Variants in TBC1D8 observed in about 807,000 individuals in gnomAD.
TBC1D8 encodes BUB2-like protein 1.
TBC1D8 carries 65 observed loss-of-function variants against 118.8 expected under a neutral mutation model. The ratio of observed to expected loss-of-function variants is 0.55; its 90% CI spans 0.45 to 0.67. The LOEUF (loss-of-function observed/expected upper bound fraction) is 0.67. TBC1D8 is among the 30% of genes least tolerant of loss of function. The pLI is 0.00. For synonymous variants in TBC1D8, 566 were observed against 595.8 expected, an observed-to-expected ratio of 0.95 and a Z score of 0.73; for missense variants, 1,376 against 1,471.2, an observed-to-expected ratio of 0.94 and a Z score of 1.06.
intron 9 of TBC1D8, among the ~76,000 whole-genome samples, 199 bp downstream of exon 9, chr2:101,035,819 C>T (rs1680969875): frequency 6.6e-6 from 1 of 152,210 alleles, no homozygotes; most frequent in Non-Finnish European, 1.5e-5. Context: ...GACGCCACAG[C>T]CCAGAGGCCC....
intron 8 of TBC1D8, 23 bp downstream of exon 8, chr2:101,037,509 C>G: frequency 6.2e-7 from 1 of 1,608,980 alleles, no homozygotes; most frequent in Non-Finnish European, 8.5e-7. Flanking sequence ...TGTGGTCCAG[C>G]TTGGGCACCA....
chr2:101,148,512 G>C (rs1679411649), intron 1 of TBC1D8, among the ~76,000 whole-genome samples: 1 of 152,312 alleles, frequency 6.6e-6, no homozygotes, highest in African/African-American at 2.4e-5. Context: ...TGTGAAGAGA[G>C]GGAGAGAAAA....
chr2:101,034,209 T>C (rs944341083), intron 9 of TBC1D8, among the ~76,000 whole-genome samples: 5 of 152,294 alleles, frequency 3.3e-5, no homozygotes, highest in Non-Finnish European at 5.9e-5. Context: ...AGAAATAGTA[T>C]GGCTTTTCTA....
intron 15 of TBC1D8, among the ~76,000 whole-genome samples, chr2:101,024,402 A>T (rs372480656): frequency 8.3e-6 from 1 of 121,130 alleles, no homozygotes; most frequent in East Asian, 2.4e-4. Flanking sequence ...TGGGACTGTA[A>T]TTTTTTTTTT....
chr2:101,088,947 C>T (rs1441699329), intron 2 of TBC1D8, among the ~76,000 whole-genome samples: 1 of 140,832 alleles, frequency 7.1e-6, no homozygotes, highest in Admixed American at 7.3e-5. Flanking sequence ...AATTAAAAAA[C>T]AAAACAAACT....
intron 15 of TBC1D8, among the ~76,000 whole-genome samples, chr2:101,026,499 C>A (rs770872225): frequency 1.3e-5 from 2 of 152,306 alleles, no homozygotes; most frequent in African/African-American, 4.8e-5. Context: ...TCACTGACTG[C>A]GGGGAAAGGC....
rs868793286 is a variant in TBC1D8 at position 101,090,304 on chromosome 2, C to T, written c.188G>A (p.Arg63Gln). 8.7e-6 allele frequency: 14 copies of T among 1,613,962 alleles called. No homozygotes were observed. Among genetic ancestry groups the T allele is most frequent in the Non-Finnish European group, 1.1e-5 (13 of 1,179,888 alleles). Residue 63 changes from arginine to glutamine, a missense_variant, in exon 2 of 20, where the codon CGA becomes CAA. Coordinates refer to ENST00000409318, the MANE Select transcript of TBC1D8 (RefSeq NM_001330348.2). ...LDSNARVAPF[R>Q]ILLQVPGSQV... ...GGAGCCGGGAACTTGAAGCAGAATT[C>T]GAAATGGAGCGACCCGTGCATTGGA... is the stretch of plus-strand genomic sequence containing the variant.
chr2:101,091,812 A>T (rs770107430), intron 1 of TBC1D8, among the ~76,000 whole-genome samples: 6 of 152,212 alleles, frequency 3.9e-5, no homozygotes, highest in Non-Finnish European at 7.3e-5. Flanking sequence ...TTTACTTCAC[A>T]TATTACCCTT....
At chr2:101,108,624 T>A (rs942488329) in intron 1 of TBC1D8, among the ~76,000 whole-genome samples, 2 of 152,022 alleles carry the variant, frequency 1.3e-5, no homozygotes, top group African/African-American at 4.8e-5. Flanking sequence ...ACCAGCAACA[T>A]CAGGCCAAGT....
chr2:101,059,871 G>A (rs548217398), intron 2 of TBC1D8, among the ~76,000 whole-genome samples: 33 of 152,156 alleles, frequency 2.2e-4, no homozygotes, highest in Non-Finnish European at 3.4e-4. Flanking sequence ...CCCAGGAGGC[G>A]GAGCTTGCAG....
intron 1 of TBC1D8, among the ~76,000 whole-genome samples, chr2:101,142,959 C>T (rs994103459): frequency 2.0e-5 from 3 of 152,026 alleles, no homozygotes; most frequent in East Asian, 1.9e-4. Context: ...TTATGCACAC[C>T]GAAAAGTTCC....
chr2:101,034,878 GCAGAAGC>G (rs1475429606), intron 9 of TBC1D8, among the ~76,000 whole-genome samples: 2 of 152,154 alleles, frequency 1.3e-5, no homozygotes, highest in Non-Finnish European at 2.9e-5. Flanking sequence ...GAAGTTAGCT[GCAGAAGC>G]CAGGAGGCAG....
chr2:101,137,861 G>C (rs892648521), intron 1 of TBC1D8, among the ~76,000 whole-genome samples: 2 of 152,146 alleles, frequency 1.3e-5, no homozygotes, highest in African/African-American at 4.8e-5. Context: ...TCACTGTATA[G>C]TGCTAAGCCA....
chr2:101,034,837 T>C (rs1054742988), intron 9 of TBC1D8, among the ~76,000 whole-genome samples: 2 of 152,122 alleles, frequency 1.3e-5, no homozygotes, highest in African/African-American at 4.8e-5. Context: ...TTTTCACTTT[T>C]AAAAGGAGGT....
At chr2:101,122,684 T>G (rs1343418546) in intron 1 of TBC1D8, among the ~76,000 whole-genome samples, 1 of 152,154 alleles carries the variant, frequency 6.6e-6, no homozygotes, top group African/African-American at 2.4e-5. Context: ...ATACTGTACA[T>G]GAAACCGAAA....
intron 11 of TBC1D8, among the ~76,000 whole-genome samples, chr2:101,031,139 G>A (rs1680647280): frequency 6.6e-6 from 1 of 152,202 alleles, no homozygotes; most frequent in African/African-American, 2.4e-5. Context: ...ATCAACAGTG[G>A]CTTTGACAGC....
At chr2:101,041,107 G>A (rs1681360453) in intron 5 of TBC1D8, among the ~76,000 whole-genome samples, 2 of 152,222 alleles carry the variant, frequency 1.3e-5, no homozygotes, top group Non-Finnish European at 2.9e-5. Flanking sequence ...TTAACATGGT[G>A]TGGTCATGTT....
At chr2:101,038,086 A>G (rs1189183745) in intron 7 of TBC1D8, among the ~76,000 whole-genome samples, 1 of 152,138 alleles carries the variant, frequency 6.6e-6, no homozygotes, top group African/African-American at 2.4e-5. Flanking sequence ...AGAGGTTGAG[A>G]AAGAGAAGAG....
In TBC1D8 at chr2:101,027,878, G is replaced by A. The variant is rs140035416; in HGVS notation, c.2451+170C>T. Among the ~76,000 whole-genome samples the A allele has an allele frequency of 4.6e-5, 7 of 152,300 alleles. No individual in the cohort carries two copies. The East Asian group carries it at 1.4e-3, about 29-fold the overall frequency. On this transcript the variant is annotated intron_variant, in intron 14 of 19. Coordinates refer to ENST00000409318, the MANE Select transcript of TBC1D8 (RefSeq NM_001330348.2). ...CAGTGTTGAGTACACTCACCACCTG[G>A]CTCCAAAGCTCACATTGTTTCTACA...
Sources: allele counts gnomAD v4.1 joint callset (sites outside exome capture counted in the v4.1 genomes callset), GRCh38; gene constraint gnomAD v4.1.1; transcripts MANE v1.5; gene names NCBI Gene and HGNC (gene_info 2026-07-23, HGNC 2026-07-21).